The following HS6ST3 variants were observed in gnomAD, a reference collection of about 807,000 sequenced individuals.
HS6ST3 encodes heparan sulfate 6-O-sulfotransferase 3.
A neutral mutation model predicts 36.7 loss-of-function variants in HS6ST3; 12 were observed. The ratio of observed to expected loss-of-function variants is 0.33; its 90% CI spans 0.21 to 0.53. The LOEUF (loss-of-function observed/expected upper bound fraction) is 0.53, where lower values mean the gene tolerates loss of function less well. Among genes scored for constraint, HS6ST3 ranks in the 20% least tolerant of loss-of-function variants. HS6ST3 has a pLI of 0.95. For synonymous variants in HS6ST3, 240 were observed against 257.5 expected, an observed-to-expected ratio of 0.93 and a Z score of 0.65; for missense variants, 584 against 640.9, an observed-to-expected ratio of 0.91 and a Z score of 0.96.
At chr13:96,191,893 G>A (rs2054290175) in intron 1 of HS6ST3, among the ~76,000 whole-genome samples, 1 of 152,130 alleles carries the variant, frequency 6.6e-6, no homozygotes, top group Admixed American at 6.6e-5. Context: ...AATATAAGCT[G>A]TTTCTTGAAA....
At chr13:96,605,012 G>A (rs1026670363) in intron 1 of HS6ST3, among the ~76,000 whole-genome samples, 2 of 152,052 alleles carry the variant, frequency 1.3e-5, no homozygotes, top group African/African-American at 4.8e-5. Context: ...GAAAAGGGAA[G>A]GGGCTTTAAA....
chr13:96,637,207 T>G (rs2056553018), intron 1 of HS6ST3, among the ~76,000 whole-genome samples: 2 of 152,072 alleles, frequency 1.3e-5, no homozygotes, highest in Non-Finnish European at 2.9e-5. Context: ...GAGACTACCT[T>G]TATGCAAGAT....
chr13:96,546,146 G>C (rs938755392), intron 1 of HS6ST3, among the ~76,000 whole-genome samples: 2 of 152,072 alleles, frequency 1.3e-5, no homozygotes, highest in African/African-American at 4.8e-5. Flanking sequence ...TAATATCCTT[G>C]TAGTATAGAT....
intron 1 of HS6ST3, among the ~76,000 whole-genome samples, chr13:96,562,347 G>A (rs1323659896): frequency 1.3e-5 from 2 of 152,054 alleles, no homozygotes; most frequent in African/African-American, 4.8e-5. Context: ...CATAAAGATG[G>A]CAACAATAGA....
intron 1 of HS6ST3, among the ~76,000 whole-genome samples, chr13:96,715,045 G>T (rs1875658893): frequency 6.6e-6 from 1 of 151,980 alleles, no homozygotes; most frequent in African/African-American, 2.4e-5. Flanking sequence ...GTGAAGATTT[G>T]CAAACAGCCC....
At chr13:96,159,078 C>T (rs1476083808) in intron 1 of HS6ST3, among the ~76,000 whole-genome samples, 1 of 151,958 alleles carries the variant, frequency 6.6e-6, no homozygotes, top group Non-Finnish European at 1.5e-5. Flanking sequence ...GACAGCAAAG[C>T]CAGGAAGGAG....
At chr13:96,638,125 G>GA (rs1228627290) in intron 1 of HS6ST3, among the ~76,000 whole-genome samples, 4 of 151,998 alleles carry the variant, frequency 2.6e-5, no homozygotes, top group African/African-American at 9.7e-5. Flanking sequence ...TCAATCCTGG[G>GA]AAGGTCTCAG....
intron 1 of HS6ST3, among the ~76,000 whole-genome samples, chr13:96,614,297 CAAAAAAAAAAAAAAA>C (rs67979751): frequency 1.1e-4 from 5 of 43,974 alleles, no homozygotes; most frequent in South Asian, 1.4e-3. Flanking sequence ...GGATCCATCT[CAAAAAAAAAAAAAAA>C]AAAAAAAAAA....
intron 1 of HS6ST3, among the ~76,000 whole-genome samples, chr13:96,351,144 G>A (rs2055180730): frequency 1.3e-5 from 2 of 152,028 alleles, no homozygotes; most frequent in African/African-American, 4.8e-5. Flanking sequence ...TAGCATTAAG[G>A]ATAATAAATG....
intron 1 of HS6ST3, chr13:96,574,180 G>T: frequency 1.9e-6 from 1 of 521,898 alleles, no homozygotes; most frequent in Non-Finnish European, 3.9e-6. Context: ...GAGAGGGGCT[G>T]CGTAAGCTTT....
chr13:96,311,229 TGGGGAA>T (rs1373309630), intron 1 of HS6ST3, among the ~76,000 whole-genome samples: 1 of 152,156 alleles, frequency 6.6e-6, no homozygotes, highest in East Asian at 1.9e-4. Flanking sequence ...AGGGAACAGT[TGGGGAA>T]GGTGGATTTG....
At chr13:96,382,420 C>T (rs1223773099) in intron 1 of HS6ST3, among the ~76,000 whole-genome samples, 1 of 152,074 alleles carries the variant, frequency 6.6e-6, no homozygotes, top group East Asian at 1.9e-4. Flanking sequence ...CTATTATTGA[C>T]TATGATTTGG....
chr13:96,451,427 A>G (rs1259204964), intron 1 of HS6ST3, among the ~76,000 whole-genome samples: 1 of 152,148 alleles, frequency 6.6e-6, no homozygotes, highest in Non-Finnish European at 1.5e-5. Context: ...CAAATCTATA[A>G]AATGTAAAAT....
At chr13:96,394,656 G>T (rs1024439513) in intron 1 of HS6ST3, among the ~76,000 whole-genome samples, 2 of 152,154 alleles carry the variant, frequency 1.3e-5, no homozygotes, top group Non-Finnish European at 2.9e-5. Context: ...AAAGGCATGA[G>T]TATAGCATAT....
chr13:96,092,549 C>G (rs1244386479), intron 1 of HS6ST3, among the ~76,000 whole-genome samples: 1 of 151,972 alleles, frequency 6.6e-6, no homozygotes, highest in African/African-American at 2.4e-5. Flanking sequence ...TGCTAAAGGA[C>G]GAAAATATTA....
At chr13:96,688,227 TC>T (rs375165469) in intron 1 of HS6ST3, among the ~76,000 whole-genome samples, 95,564 of 147,320 alleles carry the variant, frequency 0.65, 33,476 homozygotes, top group Non-Finnish European at 0.77. Flanking sequence ...ATAATAATAA[TC>T]ATCATCATCA....
chr13:96,292,604 C>T (rs2054835529), intron 1 of HS6ST3, among the ~76,000 whole-genome samples: 1 of 103,800 alleles, frequency 9.6e-6, no homozygotes, highest in Admixed American at 8.2e-5. Flanking sequence ...AGTACTTCAG[C>T]TAAATAAACA....
chr13:96,241,437 C>T (rs1202939539), intron 1 of HS6ST3, among the ~76,000 whole-genome samples: 1 of 151,598 alleles, frequency 6.6e-6, no homozygotes, highest in East Asian at 1.9e-4. Context: ...TGAAAAAAAG[C>T]ATTTAAATTA....
At chr13:96,585,564 C>G (rs552148526) in intron 1 of HS6ST3, among the ~76,000 whole-genome samples, 1 of 152,158 alleles carries the variant, frequency 6.6e-6, no homozygotes, top group East Asian at 1.9e-4. Flanking sequence ...GTTATTCCTC[C>G]TAACTCACTG....
Sources: gnomAD v4.1 joint callset for allele counts (sites outside exome capture counted in the v4.1 genomes callset) on GRCh38, gnomAD v4.1.1 for gene constraint, MANE v1.5 for transcripts, NCBI Gene and HGNC (gene_info 2026-07-23, HGNC 2026-07-21) for gene names.